RBBP5: variants seen among roughly 807,000 people sequenced by gnomAD.
The protein encoded by RBBP5 is RB binding protein 5, histone lysine methyltransferase complex subunit, also known as retinoblastoma-binding protein 5.
In RBBP5, 5 loss-of-function variants were observed where a neutral mutation model predicts 72.2. The ratio of observed to expected loss-of-function variants is 0.07; its 90% confidence interval spans 0.04 to 0.15. The LOEUF (loss-of-function observed/expected upper bound fraction) is 0.15. Ranked by LOEUF, RBBP5 falls within the 10% of genes least tolerant of loss-of-function variation. RBBP5 has a pLI of 1.00. For missense variants in RBBP5, 322 were observed against 652.2 expected (o/e 0.49, Z 5.51); for synonymous variants, 209 against 237.2 (o/e 0.88, Z 1.09).
rs1176866618 is a variant in RBBP5, at chr1:205,121,890, C to T, written c.-17G>A. On this transcript the variant is annotated 5_prime_UTR_variant, in exon 1 of 14. Coordinates refer to ENST00000264515, the MANE Select transcript of RBBP5 (RefSeq NM_005057.4). ...GAGGTTCATCCCTGCGGACTGTGGC[C>T]GCCCGGTCTCAGCTCCGGCAACAAC... 1 of 1,610,226 alleles carries T rather than the reference C, an allele frequency of 6.2e-7. No individual in the cohort carries two copies. The highest frequency in any genetic ancestry group is 8.5e-7 in the Non-Finnish European group (1 of 1,179,972).
chr1:205,108,365 C>T (rs1194797607), intron 3 of RBBP5, among the ~76,000 whole-genome samples: 1 of 152,068 alleles, frequency 6.6e-6, no homozygotes, highest in Non-Finnish European at 1.5e-5. Flanking sequence ...ATATTACACA[C>T]AAGAAAGGAC....
intron 1 of RBBP5, among the ~76,000 whole-genome samples, chr1:205,117,998 C>T (rs1328566915): frequency 2.6e-5 from 4 of 151,702 alleles, no homozygotes; most frequent in Non-Finnish European, 5.9e-5. Flanking sequence ...TTAGTAGAGA[C>T]GGGGTTTCAC....
chr1:205,104,842 A>AAAAG (rs534462263), intron 4 of RBBP5, among the ~76,000 whole-genome samples, 186 bp downstream of exon 4: 15 of 152,294 alleles, frequency 9.8e-5, no homozygotes, highest in Admixed American at 2.0e-4. Flanking sequence ...TGTCTCAAAA[A>AAAAG]AAAGAAAGAA....
intron 12 of RBBP5, among the ~76,000 whole-genome samples, chr1:205,095,752 T>C (rs1655586439): frequency 6.6e-6 from 1 of 152,186 alleles, no homozygotes; most frequent in Non-Finnish European, 1.5e-5. Context: ...TTTTCTCCTT[T>C]AAAAAGCAGG....
intron 5 of RBBP5, among the ~76,000 whole-genome samples, chr1:205,102,147 C>T (rs892979397): frequency 2.0e-5 from 3 of 152,260 alleles, no homozygotes; most frequent in East Asian, 1.9e-4. Context: ...CCGCCCACCT[C>T]GGCCTCCCAA....
chr1:205,090,221 C>T (rs182565644), intron 13 of RBBP5, among the ~76,000 whole-genome samples: 1 of 152,330 alleles, frequency 6.6e-6, no homozygotes, highest in East Asian at 1.9e-4. Context: ...TCATGCCTTA[C>T]CACTTTAAGG....
At chr1:205,109,441 G>C (rs1404832259) in intron 3 of RBBP5, among the ~76,000 whole-genome samples, 3 of 152,182 alleles carry the variant, frequency 2.0e-5, no homozygotes, top group African/African-American at 7.2e-5. Context: ...ACAAGACTGA[G>C]AGTGAGGAGA....
chr1:205,099,275 T>G lies in RBBP5; in HGVS notation c.979-169A>C. 6.6e-6 allele frequency among the ~76,000 whole-genome samples: 1 copy of G among 152,376 alleles called. No individual in the cohort carries two copies. Reference sequence around the variant, plus strand: ...TGTAAGTTTTACTAGCTTAGGTATTTTCTATCTTAAACATTAAGATAAGCT... The same window carrying G: ...TGTAAGTTTTACTAGCTTAGGTATTGTCTATCTTAAACATTAAGATAAGCT... On this transcript the variant is annotated intron_variant, in intron 9 of 13. Transcript: ENST00000264515. This position sits in a 1 kb window ranked among gnomAD's most constrained non-coding sequence, Gnocchi z 4.7.
At chr1:205,118,296 T>C (rs1201824273) in intron 1 of RBBP5, among the ~76,000 whole-genome samples, 1 of 151,964 alleles carries the variant, frequency 6.6e-6, no homozygotes, top group Non-Finnish European at 1.5e-5. Flanking sequence ...ATTTAGTGAG[T>C]TGGAACAAAT....
In RBBP5 at chr1:205,087,043, A is replaced by G. The variant is rs113920247; in HGVS notation, c.*1744T>C. Reference sequence around the variant, plus strand: ...TAGACGTTTTGCAACTGACTCAGGGAGAGCTCTTTCTTCAACTACTGAATA... The same window carrying G: ...TAGACGTTTTGCAACTGACTCAGGGGGAGCTCTTTCTTCAACTACTGAATA... On this transcript the variant is annotated 3_prime_UTR_variant, in exon 14 of 14. Coordinates refer to ENST00000264515, the MANE Select transcript of RBBP5 (RefSeq NM_005057.4). 1 of 152,302 alleles carries G rather than the reference A, an allele frequency of 6.6e-6. No individual in the cohort carries two copies. Among genetic ancestry groups the G allele is most frequent in the South Asian group, 2.1e-4 (1 of 4,818 alleles). 9.4% of individuals were successfully genotyped at this position (152,302 alleles called of 1,614,324 possible). A position where few individuals can be genotyped will look rare whatever the true frequency, so the allele number is the denominator to read the frequency against.
intron 2 of RBBP5, 81 bp from the exon 3 acceptor site, chr1:205,115,042 G>T: frequency 7.9e-7 from 1 of 1,265,502 alleles, no homozygotes; most frequent in Non-Finnish European, 1.1e-6. Context: ...TTTATCACTT[G>T]TGATACTTTT....
In RBBP5 at chr1:205,101,689, A is replaced by T. The variant is rs771145605; in HGVS notation, c.543T>A (p.Asp181Glu). The T allele has an allele frequency of 2.5e-6, 4 of 1,613,470 alleles. No homozygotes were observed. The highest frequency in any genetic ancestry group is 3.4e-6 in the Non-Finnish European group (4 of 1,179,742). Reference protein sequence around the residue: ...AKGKILVLKTDSQDLVASFRV... With the variant: ...AKGKILVLKTESQDLVASFRV... ...TGAAGGAAGCAACAAGATCCTGAGAATCTGTTTTTAGGACCAAAATCTAAA... is the reference window on the plus strand; with the variant it reads ...TGAAGGAAGCAACAAGATCCTGAGATTCTGTTTTTAGGACCAAAATCTAAA... Residue 181 changes from aspartate (D) to glutamate (E), a missense_variant, in exon 6 of 14, where the codon GAT (aspartate) becomes GAA (glutamate). Around this residue, in one of 6 missense-constraint regions of RBBP5, gnomAD observed 161 missense variants for 327.8 expected, o/e 0.49. Coordinates refer to ENST00000264515, the MANE Select transcript of RBBP5 (RefSeq NM_005057.4).
At chr1:205,114,220 A>G (rs1210719577) in intron 3 of RBBP5, among the ~76,000 whole-genome samples, 1 of 152,244 alleles carries the variant, frequency 6.6e-6, no homozygotes, top group Non-Finnish European at 1.5e-5. Context: ...TGATCTGATT[A>G]GGTCCTTTTG....
chr1:205,104,964 T>G (rs1266496412), intron 4 of RBBP5, 64 bp downstream of exon 4: 1 of 1,535,442 alleles, frequency 6.5e-7, no homozygotes, highest in African/African-American at 1.4e-5. Context: ...AAAATTATCA[T>G]GAGCCCAGAG....
intron 3 of RBBP5, among the ~76,000 whole-genome samples, chr1:205,109,839 T>A (rs916565425): frequency 2.0e-5 from 3 of 152,036 alleles, no homozygotes; most frequent in Admixed American, 6.6e-5. Flanking sequence ...ATGGCCCCCA[T>A]CCAGTGCTTG....
Position 205,097,343 on chromosome 1 carries a change from A to G in RBBP5, c.1149T>C (p.Ile383=). Residue 383 remains isoleucine, a synonymous_variant, in exon 11 of 14, where the codon ATT becomes ATC. Coordinates refer to ENST00000264515, the MANE Select transcript of RBBP5 (RefSeq NM_005057.4). ...CGGCTCACCTGCTACAGAAGGCAGCAATAGGGTCCACGCTGGTGACATCCA... is the reference window on the plus strand; with the variant it reads ...CGGCTCACCTGCTACAGAAGGCAGCGATAGGGTCCACGCTGGTGACATCCA... ...EEVDVTSVDP[I]AAFCSSDEEL... 6.4e-7 allele frequency: 1 copy of G among 1,552,054 alleles called. No individual in the cohort carries two copies. Among genetic ancestry groups the G allele is most frequent in the Non-Finnish European group, 8.7e-7 (1 of 1,147,106 alleles).
At chr1:205,092,757 G>A (rs1425507013) in intron 13 of RBBP5, among the ~76,000 whole-genome samples, 1 of 147,832 alleles carries the variant, frequency 6.8e-6, no homozygotes, top group East Asian at 2.1e-4. Context: ...TGTTTGATTG[G>A]CTTTTACATA....
chr1:205,097,538 A>T, intron 10 of RBBP5, 143 bp from the exon 11 acceptor site: 2 of 817,408 alleles, frequency 2.4e-6, no homozygotes, highest in South Asian at 3.3e-5. Flanking sequence ...CATTTAACAA[A>T]TATGTGCTGA....
chr1:205,105,716 T>C (rs1656029901), intron 3 of RBBP5, among the ~76,000 whole-genome samples: 1 of 152,220 alleles, frequency 6.6e-6, no homozygotes, highest in South Asian at 2.1e-4. Flanking sequence ...GATGACACAG[T>C]AGTGAAATCC....
Sources: allele counts gnomAD v4.1 joint callset (sites outside exome capture counted in the v4.1 genomes callset), GRCh38; gene constraint gnomAD v4.1.1; regional missense constraint gnomAD v4.1.1; non-coding constraint Gnocchi (gnomAD v3.1); transcripts MANE v1.5; gene names NCBI Gene and HGNC (gene_info 2026-07-23, HGNC 2026-07-21).